Variants in PUM2 observed in about 807,000 individuals in gnomAD.
The protein encoded by PUM2 is pumilio RNA binding family member 2, also known as pumilio homolog 2.
PUM2 carries 57 observed loss-of-function variants against 124.5 expected under a neutral mutation model. That is an observed-to-expected ratio of 0.46 (90% CI 0.37 to 0.57). PUM2 has a LOEUF of 0.57. Among genes scored for constraint, PUM2 ranks in the 20% least tolerant of loss-of-function variants. PUM2 has a pLI of 0.00. For missense variants in PUM2, 1,065 were observed against 1,290.6 expected, an observed-to-expected ratio of 0.83 and a Z score of 2.68; for synonymous variants, 460 against 446.1, an observed-to-expected ratio of 1.03 and a Z score of -0.39.
chr2:20,337,687 C>G (rs1686408287), intron 1 of PUM2, among the ~76,000 whole-genome samples: 1 of 152,166 alleles, frequency 6.6e-6, no homozygotes. Context: ...GTTTTTAATT[C>G]ACTTAGGGTC....
In PUM2 at chr2:20,297,562, T is replaced by C. The variant is rs749815642; in HGVS notation, c.1000A>G (p.Thr334Ala). 1.9e-6 allele frequency: 3 copies of C among 1,603,198 alleles called. No individual in the cohort carries two copies. The highest frequency in any genetic ancestry group is 1.1e-5 in the South Asian group (1 of 89,128). The change falls in exon 8 of 21, where the codon ACA becomes GCA. Residue 334 changes from threonine (T) to alanine (A), a missense_variant. This residue lies in a region of PUM2 where 968 missense variants were observed against 1,159.8 expected (regional missense o/e 0.83). Transcript: ENST00000361078. ...YTAAGLAAAA[T>A]LAGPAVVPPQ... ...ACAAATAGTATGTTACCTGCTAATG[T>C]AGCTGCTGCAGCCAATCCTGCTGCA...
At chr2:20,330,412 G>A (rs572460056) in intron 1 of PUM2, among the ~76,000 whole-genome samples, 90 of 152,310 alleles carry the variant, frequency 5.9e-4, no homozygotes, top group Non-Finnish European at 1.2e-3. Context: ...TGATTAGAGA[G>A]TTTGAACTTT....
At chr2:20,332,396 A>G (rs1429573242) in intron 1 of PUM2, among the ~76,000 whole-genome samples, 3 of 149,918 alleles carry the variant, frequency 2.0e-5, no homozygotes, top group South Asian at 2.1e-4. Flanking sequence ...AGGGTAGTAG[A>G]GTAAAAAGAC....
In PUM2 at chr2:20,256,015, G is replaced by T; in HGVS notation, c.2622+18C>A. The T allele has an allele frequency of 6.6e-7, 1 of 1,514,772 alleles. No individual in the cohort carries two copies. Among genetic ancestry groups the T allele is most frequent in the South Asian group, 1.3e-5 (1 of 76,060 alleles). The allele number at this position is 1,514,772 out of a possible 1,614,324, so 93.8% of individuals were successfully genotyped here. ...ATAATGCCCTGCTAACAAATTATAA[G>T]CCAAAACTCAAACATACTTGTCCCT... On this transcript the variant is annotated intron_variant, in intron 17 of 20. Coordinates refer to ENST00000361078, the MANE Select transcript of PUM2 (RefSeq NM_015317.5).
intron 13 of PUM2, among the ~76,000 whole-genome samples, chr2:20,268,463 A>C (rs1668228683): frequency 6.6e-6 from 1 of 152,060 alleles, no homozygotes; most frequent in South Asian, 2.1e-4. Context: ...TGTATGTGTA[A>C]AAAAATTAGC....
At position 20,280,319 on chromosome 2, in the gene PUM2, A is replaced by G. The variant is rs567630367; in HGVS notation, c.1721-1500T>C. Among the ~76,000 whole-genome samples, 4 of 152,298 alleles carry G rather than the reference A, an allele frequency of 2.6e-5. No individual in the cohort carries two copies. In the South Asian group the frequency reaches 8.3e-4, roughly 32 times the overall value. ...ATTTTACATTTTAAGATATCATAGT[A>G]AGAAAATACTAGGTGTCTATATGCA... is the stretch of plus-strand genomic sequence containing the variant. On this transcript the variant is annotated intron_variant, in intron 12 of 20. Coordinates refer to ENST00000361078, the MANE Select transcript of PUM2 (RefSeq NM_015317.5).
Position 20,272,155 on chromosome 2 carries a change from A to AAATGAATGAATGAATG in PUM2, c.1957+6412_1957+6427dup, listed in dbSNP as rs60522777. ...CTGGGGGGCAGAGCAAGACTTCGTC[A>AAATGAATGAATGAATG]AATGAATGAATGAATGAATGAATGA... On this transcript the variant is annotated intron_variant, in intron 13 of 20. Transcript: ENST00000361078. Among the ~76,000 whole-genome samples the AAATGAATGAATGAATG allele has an allele frequency of 2.9e-3, 424 of 148,282 alleles. 1 individual carries two copies. Among genetic ancestry groups the AAATGAATGAATGAATG allele is most frequent in the Middle Eastern group, 6.8e-3 (2 of 292 alleles).
chr2:20,322,749 G>A (rs1291483484), intron 2 of PUM2, among the ~76,000 whole-genome samples: 1 of 152,192 alleles, frequency 6.6e-6, no homozygotes, highest in Non-Finnish European at 1.5e-5. Context: ...GTTGCAGTAA[G>A]TTGAGACAAT....
rs1443355056 is a variant in PUM2 at position 20,308,489 on chromosome 2, T to A, written c.614A>T (p.Asn205Ile). 6.2e-7 allele frequency: 1 copy of A among 1,614,016 alleles called. No homozygotes were observed. Among genetic ancestry groups the A allele is most frequent in the Non-Finnish European group, 8.5e-7 (1 of 1,179,994 alleles). Residue 205 changes from asparagine to isoleucine, a missense_variant, in exon 6 of 21, where the codon AAT becomes ATT. Coordinates refer to ENST00000361078, the MANE Select transcript of PUM2 (RefSeq NM_015317.5). Reference sequence around the variant, plus strand: ...AACAAGTGGTTTATTAGCTGTAGGATTAGGAAGAGGCCCCAGTCCTTCTGA... The same window carrying A: ...AACAAGTGGTTTATTAGCTGTAGGAATAGGAAGAGGCCCCAGTCCTTCTGA... Reference protein sequence around the residue: ...NPSEGLGPLPNPTANKPLVEE... With the variant: ...NPSEGLGPLPIPTANKPLVEE...
At chr2:20,345,805 G>A (rs1340966727) in intron 1 of PUM2, among the ~76,000 whole-genome samples, 2 of 152,218 alleles carry the variant, frequency 1.3e-5, no homozygotes, top group African/African-American at 4.8e-5. Flanking sequence ...CTGGGAGGCG[G>A]AGGTTGCAGT....
At chr2:20,326,407 GGAGT>G (rs1683686647) in intron 2 of PUM2, 20 of 1,304,194 alleles carry the variant, frequency 1.5e-5, no homozygotes, top group Non-Finnish European at 1.9e-5. Context: ...AGCATTGGAT[GGAGT>G]GAGTCTCATG....
intron 13 of PUM2, among the ~76,000 whole-genome samples, chr2:20,267,196 AT>A (rs34379258): frequency 0.36 from 53,434 of 149,684 alleles, 9,608 homozygotes; most frequent in Middle Eastern, 0.43. Flanking sequence ...CTAAGTTTGT[AT>A]TTTTTTTTAG....
At chr2:20,329,827 G>C (rs1286870515) in intron 1 of PUM2, among the ~76,000 whole-genome samples, 1 of 152,136 alleles carries the variant, frequency 6.6e-6, no homozygotes, top group Admixed American at 6.5e-5. Flanking sequence ...ATGACCTAAT[G>C]TGTATAATTT....
chr2:20,331,994 C>G (rs902596778), intron 1 of PUM2: 1 of 152,172 alleles, frequency 6.6e-6, no homozygotes, highest in African/African-American at 2.4e-5. Context: ...ACTTGATAAA[C>G]TGTAAAATTT....
intron 6 of PUM2, 113 bp from the exon 7 acceptor site, chr2:20,308,184 C>T (rs567147102): frequency 6.8e-7 from 1 of 1,470,820 alleles, no homozygotes; most frequent in East Asian, 2.4e-5. Context: ...TTCTCAAATA[C>T]AGGACACTTT....
chr2:20,256,237 A>G, intron 16 of PUM2, 67 bp from the exon 17 acceptor site: 1 of 1,404,786 alleles, frequency 7.1e-7, no homozygotes, highest in Non-Finnish European at 9.4e-7. Flanking sequence ...ATTTTATCTC[A>G]GTATTAAAAA....
intron 13 of PUM2, among the ~76,000 whole-genome samples, chr2:20,264,416 T>C (rs1667175994): frequency 1.7e-5 from 2 of 119,240 alleles, no homozygotes; most frequent in Non-Finnish European, 3.3e-5. Flanking sequence ...AATCCACTAT[T>C]TCACAAACAA....
At chr2:20,345,258 G>T (rs1319044966) in intron 1 of PUM2, among the ~76,000 whole-genome samples, 1 of 151,698 alleles carries the variant, frequency 6.6e-6, no homozygotes, top group Non-Finnish European at 1.5e-5. Flanking sequence ...CTGTAAGTGC[G>T]TGCCACCATG....
At chr2:20,255,715 T>A (rs190946605) in intron 17 of PUM2, among the ~76,000 whole-genome samples, 20 of 152,324 alleles carry the variant, frequency 1.3e-4, no homozygotes, top group Admixed American at 1.2e-3. Context: ...TATACAGTCT[T>A]ATGTCTTTCT....
Sources: allele counts gnomAD v4.1 joint callset (sites outside exome capture counted in the v4.1 genomes callset), GRCh38; gene constraint gnomAD v4.1.1; regional missense constraint gnomAD v4.1.1; transcripts MANE v1.5; gene names NCBI Gene and HGNC (gene_info 2026-07-23, HGNC 2026-07-21).